Variants in TNR observed in about 807,000 individuals in gnomAD.
The protein encoded by TNR is tenascin R.
TNR carries 45 observed loss-of-function variants against 150.4 expected under a neutral mutation model. The observed-to-expected ratio is 0.30, with a 90% CI of 0.24 to 0.38. TNR has a LOEUF of 0.38. Ranked by LOEUF, TNR falls within the 10% of genes least tolerant of loss-of-function variation. The pLI, the probability that TNR is intolerant of heterozygous loss-of-function variation, is 1.00. For synonymous variants in TNR, 687 were observed against 678.4 expected (o/e 1.01, Z -0.20); for missense variants, 1,544 against 1,759.1 (o/e 0.88, Z 2.19).
At chr1:175,604,762 C>G (rs1663357471) in intron 1 of TNR, among the ~76,000 whole-genome samples, 2 of 152,194 alleles carry the variant, frequency 1.3e-5, no homozygotes, top group African/African-American at 4.8e-5. Flanking sequence ...GTGCACCTCC[C>G]ATTTATGTGC....
chr1:175,531,975 G>A (rs1163505300), intron 1 of TNR, among the ~76,000 whole-genome samples: 3 of 152,176 alleles, frequency 2.0e-5, no homozygotes, highest in African/African-American at 7.2e-5. Context: ...TTTTCTCCAG[G>A]GCTTTGTGTT....
chr1:175,494,356 G>A (rs1163845583), intron 2 of TNR, among the ~76,000 whole-genome samples: 1 of 152,228 alleles, frequency 6.6e-6, no homozygotes, highest in Admixed American at 6.5e-5. Context: ...CATAGTCCCC[G>A]GCACCAGCTC....
At chr1:175,571,275 C>T (rs1234679618) in intron 1 of TNR, among the ~76,000 whole-genome samples, 1 of 152,134 alleles carries the variant, frequency 6.6e-6, no homozygotes, top group Non-Finnish European at 1.5e-5. Context: ...TCTTTTAGTG[C>T]CTTTTTAAAG....
At chr1:175,595,213 G>A (rs1004544866) in intron 1 of TNR, among the ~76,000 whole-genome samples, 1 of 152,186 alleles carries the variant, frequency 6.6e-6, no homozygotes, top group Middle Eastern at 3.2e-3. Context: ...ATTGATAACT[G>A]ACATTTGGTG....
chr1:175,471,578 G>T (rs1657293176), intron 2 of TNR, among the ~76,000 whole-genome samples: 1 of 152,070 alleles, frequency 6.6e-6, no homozygotes, highest in Non-Finnish European at 1.5e-5. Context: ...CAGCATAAAG[G>T]ATTTAAAAAA....
At chr1:175,375,180 T>G (rs938515943) in intron 9 of TNR, among the ~76,000 whole-genome samples, 15 of 150,596 alleles carry the variant, frequency 1.0e-4, no homozygotes, top group Non-Finnish European at 1.8e-4. Context: ...ATTTGTTGTT[T>G]TTTTTTTTTG....
intron 2 of TNR, among the ~76,000 whole-genome samples, chr1:175,459,412 A>C (rs1036447548): frequency 5.3e-5 from 8 of 152,346 alleles, no homozygotes; most frequent in Non-Finnish European, 4.4e-5. Context: ...TCTGCATTTT[A>C]AGGCTCACAC....
chr1:175,401,571 T>C (rs1571389225), intron 4 of TNR, among the ~76,000 whole-genome samples: 1 of 152,198 alleles, frequency 6.6e-6, no homozygotes, highest in Non-Finnish European at 1.5e-5. Context: ...TAATTGGATA[T>C]GGAAAAAATT....
intron 1 of TNR, among the ~76,000 whole-genome samples, chr1:175,539,717 A>G (rs1453684174): frequency 6.6e-6 from 1 of 152,244 alleles, no homozygotes; most frequent in Non-Finnish European, 1.5e-5. Flanking sequence ...GCTGTTGCTC[A>G]TGCAGTGTGA....
intron 1 of TNR, among the ~76,000 whole-genome samples, chr1:175,567,761 T>G (rs1324786874): frequency 1.3e-5 from 2 of 152,166 alleles, no homozygotes; most frequent in African/African-American, 4.8e-5. Context: ...GTAGGGGCTT[T>G]CTAAGCATGG....
At chr1:175,455,949 A>G (rs960506974) in intron 2 of TNR, among the ~76,000 whole-genome samples, 1 of 152,198 alleles carries the variant, frequency 6.6e-6, no homozygotes, top group African/African-American at 2.4e-5. Context: ...CGGGGGCACT[A>G]TTAATAATTC....
chr1:175,331,017 C>CTTTCTTTCTT (rs1323181019), intron 20 of TNR, among the ~76,000 whole-genome samples: 37 of 59,366 alleles, frequency 6.2e-4, no homozygotes, highest in Non-Finnish European at 1.0e-3. Flanking sequence ...TTCTTTCTTT[C>CTTTCTTTCTT]TTTCTTTCTT....
At chr1:175,373,793 G>A (rs945857924) in intron 9 of TNR, among the ~76,000 whole-genome samples, 2 of 152,036 alleles carry the variant, frequency 1.3e-5, no homozygotes, top group Admixed American at 6.6e-5. Context: ...TTTTCCCCCA[G>A]CCCCCTTATC....
At chr1:175,528,136 T>C (rs1156236579) in intron 2 of TNR, 133 bp downstream of exon 2, 1 of 152,210 alleles carries the variant, frequency 6.6e-6, no homozygotes, top group African/African-American at 2.4e-5. Flanking sequence ...GACCACCTCA[T>C]TTCAAGGAGA....
intron 2 of TNR, among the ~76,000 whole-genome samples, chr1:175,506,575 G>A (rs1658966557): frequency 6.6e-6 from 1 of 152,218 alleles, no homozygotes; most frequent in Non-Finnish European, 1.5e-5. Flanking sequence ...CATGCGTGGG[G>A]AAAAGGCCCT....
intron 1 of TNR, among the ~76,000 whole-genome samples, chr1:175,658,544 C>G (rs1394355935): frequency 1.3e-5 from 2 of 152,200 alleles, no homozygotes; most frequent in Non-Finnish European, 2.9e-5. Flanking sequence ...CAGGAACACA[C>G]AGGGAGGTGC....
rs79224003 is a variant in TNR, at chr1:175,665,121, T to C, written c.-165+78105A>G. On this transcript the variant is annotated intron_variant, in intron 1 of 22. Transcript: ENST00000367674. ...AGTTGGTCTTCTAAATGCTGGACAT[T>C]GATTTGAAATGAAGAAATAACTATA... Among the ~76,000 whole-genome samples, 626 of 152,364 alleles carry C rather than the reference T, an allele frequency of 4.1e-3. 16 individuals are homozygous for C. The East Asian group carries it at 0.061, about 15-fold the overall frequency.
chr1:175,389,167 C>T (rs1336856889), intron 7 of TNR, among the ~76,000 whole-genome samples: 1 of 152,198 alleles, frequency 6.6e-6, no homozygotes, highest in Non-Finnish European at 1.5e-5. Flanking sequence ...GTGCTGAGTA[C>T]TTTGAATTAA....
intron 1 of TNR, among the ~76,000 whole-genome samples, chr1:175,542,473 T>C (rs373521680): frequency 6.6e-6 from 1 of 152,176 alleles, no homozygotes; most frequent in South Asian, 2.1e-4. Context: ...AGTGTTTAGT[T>C]AAATAAATGA....
Sources: allele counts gnomAD v4.1 joint callset (sites outside exome capture counted in the v4.1 genomes callset), GRCh38; gene constraint gnomAD v4.1.1; transcripts MANE v1.5; gene names NCBI Gene and HGNC (gene_info 2026-07-23, HGNC 2026-07-21).